PRDM2: variants seen among roughly 807,000 people sequenced by gnomAD.
PRDM2 encodes PR domain zinc finger protein 2.
A neutral mutation model predicts 130.0 loss-of-function variants in PRDM2; 30 were observed. That is an observed-to-expected ratio of 0.23 (90% confidence interval 0.17 to 0.31). The LOEUF is 0.31. Among genes scored for constraint, PRDM2 ranks in the 10% least tolerant of loss-of-function variants. The pLI is 1.00. For missense variants in PRDM2, 2,011 were observed against 2,108.4 expected, an observed-to-expected ratio of 0.95 and a Z score of 0.90; for synonymous variants, 871 against 782.4, an observed-to-expected ratio of 1.11 and a Z score of -1.89.
intron 1 of PRDM2, among the ~76,000 whole-genome samples, chr1:13,714,746 T>C (rs1225276328): frequency 6.6e-6 from 1 of 152,166 alleles, no homozygotes; most frequent in African/African-American, 2.4e-5. Context: ...ATAGGAGAAT[T>C]ATGCCTAATG....
At chr1:13,820,580 G>C (rs918255429) in intron 9 of PRDM2, among the ~76,000 whole-genome samples, 3 of 152,244 alleles carry the variant, frequency 2.0e-5, no homozygotes, top group Non-Finnish European at 4.4e-5. Context: ...TCTCTCAGCT[G>C]TTGCTGCTCC....
rs1282701904 is a variant in PRDM2 at position 13,771,546 on chromosome 1, A to G, written c.512-1532A>G. Among the ~76,000 whole-genome samples, 1 of 152,162 alleles carries G rather than the reference A, an allele frequency of 6.6e-6. No homozygotes were observed. Among genetic ancestry groups the G allele is most frequent in the African/African-American group, 2.4e-5 (1 of 41,430 alleles). On this transcript the variant is annotated intron_variant, in intron 6 of 9. Coordinates refer to ENST00000311066, the MANE Select transcript of PRDM2 (RefSeq NM_001393986.1). This position sits in a 1 kb window ranked among gnomAD's most constrained non-coding sequence, Gnocchi z 4.1. ...GGAGATCGAGACCATCCTGGCTAAG[A>G]TGGTGAAACCCCGTCTCTACTAAAA...
At chr1:13,719,546 A>G (rs1243157417) in intron 2 of PRDM2, among the ~76,000 whole-genome samples, 2 of 152,230 alleles carry the variant, frequency 1.3e-5, no homozygotes, top group Non-Finnish European at 2.9e-5. Context: ...TGTGTTCACT[A>G]CTGAGATTAA....
intron 4 of PRDM2, among the ~76,000 whole-genome samples, chr1:13,741,642 A>G (rs530082738): frequency 2.0e-5 from 3 of 151,152 alleles, no homozygotes; most frequent in South Asian, 2.1e-4. Flanking sequence ...TTTACAGAGC[A>G]TAGTTGTCAT....
intron 6 of PRDM2, among the ~76,000 whole-genome samples, chr1:13,763,287 C>A (rs1239985686): frequency 1.3e-5 from 2 of 152,114 alleles, no homozygotes; most frequent in Non-Finnish European, 2.9e-5. Flanking sequence ...GGGTATGTGG[C>A]TGTTTGGAAA....
chr1:13,819,864 A>G (rs896984468), intron 9 of PRDM2, among the ~76,000 whole-genome samples: 5 of 152,122 alleles, frequency 3.3e-5, no homozygotes, highest in Admixed American at 6.5e-5. Flanking sequence ...TCGTGATCTC[A>G]TCTAAGCCTA....
In PRDM2 at chr1:13,803,542, C is replaced by T. The variant is rs1452854659; in HGVS notation, c.5037-12885C>T. ...AGCAGTGAGCCTAGTCCTGTCTCCT[C>T]ACTGCTCCCAAGAACAACCTGGAGT... On this transcript the variant is annotated intron_variant, in intron 8 of 9. Coordinates refer to ENST00000311066, the MANE Select transcript of PRDM2 (RefSeq NM_001393986.1). The surrounding 1 kb of genome is among the most constrained non-coding windows in gnomAD (Gnocchi z 6.2). Among the ~76,000 whole-genome samples, 2 of 151,876 alleles carry T rather than the reference C, an allele frequency of 1.3e-5. No individual in the cohort carries two copies. The highest frequency in any genetic ancestry group is 6.6e-5 in the Admixed American group (1 of 15,252).
At position 13,779,394 on chromosome 1, in the gene PRDM2, C is replaced by T. The variant is rs1042721123; in HGVS notation, c.1599C>T (p.Ala533=). The T allele has an allele frequency of 1.9e-6, 3 of 1,614,108 alleles. No individual in the cohort carries two copies. The highest frequency in any genetic ancestry group is 2.5e-6 in the Non-Finnish European group (3 of 1,180,026). ...AGCCTCCAGCAGAACAGGCCCAGGC[C>T]ACCCAGAACGTGTATGTACCAAGCA... The part of the protein sequence containing the change: ...EPQPPAEQAQ[A]TQNVYVPSTE... The change falls in exon 8 of 10, where the codon GCC becomes GCT. Residue 533 remains alanine, a synonymous_variant. Transcript: ENST00000311066. This position sits in a 1 kb window ranked among gnomAD's most constrained non-coding sequence, Gnocchi z 4.9.
intron 6 of PRDM2, among the ~76,000 whole-genome samples, chr1:13,754,485 T>A (rs1362911738): frequency 6.6e-6 from 1 of 152,232 alleles, no homozygotes; most frequent in East Asian, 1.9e-4. Flanking sequence ...TTTGAACCAG[T>A]TTTCCCATGC....
At chr1:13,770,177 C>T in intron 6 of PRDM2, 4 of 328,580 alleles carry the variant, frequency 1.2e-5, no homozygotes, top group South Asian at 7.3e-5. Context: ...TTTCCAGGGT[C>T]ATGGCTTTTA....
At chr1:13,762,892 C>T (rs1644135559) in intron 6 of PRDM2, among the ~76,000 whole-genome samples, 1 of 152,166 alleles carries the variant, frequency 6.6e-6, no homozygotes. Flanking sequence ...CAGGAGGTGG[C>T]TGGGGCACAG....
At chr1:13,768,400 A>T (rs192753720) in intron 6 of PRDM2, among the ~76,000 whole-genome samples, 3 of 134,682 alleles carry the variant, frequency 2.2e-5, no homozygotes, top group Non-Finnish European at 3.1e-5. Context: ...TTTTTTTAAG[A>T]TGGAGTTTTG....
chr1:13,710,715 A>C (rs1338297453), intron 1 of PRDM2, among the ~76,000 whole-genome samples: 2 of 152,244 alleles, frequency 1.3e-5, no homozygotes, highest in Non-Finnish European at 2.9e-5. Flanking sequence ...AGCCAAGGTC[A>C]GAGAAGTCCT....
intron 7 of PRDM2, among the ~76,000 whole-genome samples, chr1:13,774,615 C>T (rs1052409039): frequency 2.0e-5 from 3 of 152,136 alleles, no homozygotes; most frequent in Non-Finnish European, 4.4e-5. Context: ...ATTCAGCAGT[C>T]ACCTACTCCC....
chr1:13,744,444 T>C (rs1643542396), intron 5 of PRDM2, among the ~76,000 whole-genome samples: 1 of 152,128 alleles, frequency 6.6e-6, no homozygotes, highest in South Asian at 2.1e-4. Flanking sequence ...TTATACATGA[T>C]TGTTGTTATT....
chr1:13,748,978 C>T (rs1485316557), intron 5 of PRDM2, among the ~76,000 whole-genome samples: 1 of 152,228 alleles, frequency 6.6e-6, no homozygotes, highest in African/African-American at 2.4e-5. Context: ...CCACACCGCA[C>T]GCTTTTCAGT....
intron 6 of PRDM2, among the ~76,000 whole-genome samples, chr1:13,751,472 A>G (rs941977497): frequency 2.6e-5 from 4 of 151,942 alleles, no homozygotes; most frequent in Non-Finnish European, 5.9e-5. Context: ...TTACTTTTAA[A>G]TTAAATACTC....
chr1:13,778,549 C>T lies in PRDM2; in HGVS notation c.754C>T (p.Pro252Ser), dbSNP rs534954594. ...CCCTGCCTGGGAGCCACAGCCAGAA[C>T]CAGACGAGCGATTAGAAGCGGCAGC... ...PAPAWEPQPEPDERLEAAACE... is the reference protein window; with the variant it reads ...PAPAWEPQPESDERLEAAACE... Residue 252 changes from proline (P) to serine (S), a missense_variant, in exon 8 of 10, where the codon CCA becomes TCA. Physicochemically the swap from Pro to Ser is moderately conservative, Grantham distance 74. This residue lies in a region of PRDM2 where 1,288 missense variants were observed against 1,237.7 expected (regional missense o/e 1.04). Coordinates refer to ENST00000311066, the MANE Select transcript of PRDM2 (RefSeq NM_001393986.1). 5.3e-5 allele frequency: 85 copies of T among 1,614,040 alleles called. No individual in the cohort carries two copies. Among genetic ancestry groups the T allele is most frequent in the Middle Eastern group, 4.9e-4 (3 of 6,062 alleles).
intron 2 of PRDM2, among the ~76,000 whole-genome samples, chr1:13,727,502 G>A (rs991576227): frequency 2.0e-5 from 3 of 152,282 alleles, no homozygotes; most frequent in African/African-American, 7.2e-5. Context: ...TAATCTGCCC[G>A]CCTTGACCTT....
Sources: allele counts gnomAD v4.1 joint callset (sites outside exome capture counted in the v4.1 genomes callset), GRCh38; gene constraint gnomAD v4.1.1; regional missense constraint gnomAD v4.1.1; non-coding constraint Gnocchi (gnomAD v3.1); transcripts MANE v1.5; gene names NCBI Gene and HGNC (gene_info 2026-07-23, HGNC 2026-07-21).